The following DIAPH3 variants were observed in gnomAD, a reference collection of about 807,000 sequenced individuals.
DIAPH3 encodes protein diaphanous homolog 3.
In DIAPH3, 117 loss-of-function variants were observed where a neutral mutation model predicts 144.3. That is an observed-to-expected ratio of 0.81 (90% confidence interval 0.70 to 0.95). The LOEUF (loss-of-function observed/expected upper bound fraction) is 0.95. Among genes scored for constraint, DIAPH3 ranks in the 40% least tolerant of loss-of-function variants. DIAPH3 has a pLI of 0.00. For synonymous variants in DIAPH3, 519 were observed against 488.9 expected, an observed-to-expected ratio of 1.06 and a Z score of -0.81; for missense variants, 1,421 against 1,412.7, an observed-to-expected ratio of 1.01 and a Z score of -0.09.
intron 27 of DIAPH3, among the ~76,000 whole-genome samples, chr13:59,670,669 A>G (rs11841715): frequency 0.072 from 10,250 of 141,546 alleles, 767 homozygotes; most frequent in African/African-American, 0.19. Context: ...TGCAAGCTCC[A>G]CCTCCCGGGT....
intron 9 of DIAPH3, among the ~76,000 whole-genome samples, chr13:59,999,628 A>T (rs1452648565): frequency 1.3e-5 from 2 of 152,122 alleles, no homozygotes; most frequent in Non-Finnish European, 2.9e-5. Flanking sequence ...AGTATACTAA[A>T]ATAGACCTGT....
chr13:59,982,477 A>G (rs1300736769), intron 13 of DIAPH3, among the ~76,000 whole-genome samples: 3 of 151,238 alleles, frequency 2.0e-5, no homozygotes, highest in African/African-American at 7.3e-5. Context: ...AAGCATTTTC[A>G]TTAATATTAT....
chr13:59,671,326 A>G (rs2032362466), intron 27 of DIAPH3, among the ~76,000 whole-genome samples: 1 of 152,208 alleles, frequency 6.6e-6, no homozygotes, highest in South Asian at 2.1e-4. Context: ...TATGGACTCA[A>G]TGAAAGGTAA....
chr13:59,683,307 C>A (rs1246652173), intron 27 of DIAPH3, among the ~76,000 whole-genome samples: 1 of 152,040 alleles, frequency 6.6e-6, no homozygotes, highest in Non-Finnish European at 1.5e-5. Flanking sequence ...AATCTGGAAT[C>A]TTTTATGACT....
At chr13:60,038,795 C>A (rs2055417421) in intron 5 of DIAPH3, among the ~76,000 whole-genome samples, 5 of 152,116 alleles carry the variant, frequency 3.3e-5, no homozygotes, top group African/African-American at 1.2e-4. Flanking sequence ...TTACCCTTGA[C>A]AGGCACGTCA....
chr13:59,988,601 A>G (rs1321291180), intron 12 of DIAPH3, among the ~76,000 whole-genome samples: 1 of 151,872 alleles, frequency 6.6e-6, no homozygotes, highest in Non-Finnish European at 1.5e-5. Flanking sequence ...AATCTAGAAA[A>G]TAATCTCCAT....
At chr13:59,831,841 T>C (rs1006594909) in intron 24 of DIAPH3, among the ~76,000 whole-genome samples, 7 of 151,906 alleles carry the variant, frequency 4.6e-5, no homozygotes, top group Non-Finnish European at 1.5e-5. Flanking sequence ...TAATAATTTA[T>C]TGAGCAACTA....
intron 4 of DIAPH3, among the ~76,000 whole-genome samples, chr13:60,054,979 A>C (rs958195080): frequency 6.6e-6 from 1 of 151,980 alleles, no homozygotes. Flanking sequence ...AGAAAGGTGC[A>C]TTCACCAACA....
chr13:59,856,488 G>T (rs1466285977), intron 22 of DIAPH3, among the ~76,000 whole-genome samples: 1 of 152,098 alleles, frequency 6.6e-6, no homozygotes, highest in Non-Finnish European at 1.5e-5. Context: ...TTTGCTCCAG[G>T]CCCCTCCCCA....
intron 18 of DIAPH3, among the ~76,000 whole-genome samples, chr13:59,918,117 T>C (rs1321981154): frequency 6.7e-6 from 1 of 149,948 alleles, no homozygotes. Context: ...CAGTACCTGG[T>C]ATAGACTAAT....
chr13:59,828,793 T>G (rs2041608506), intron 24 of DIAPH3, among the ~76,000 whole-genome samples: 1 of 151,792 alleles, frequency 6.6e-6, no homozygotes, highest in Admixed American at 6.6e-5. Flanking sequence ...CAATGCAAAC[T>G]TACTCCCTAT....
At chr13:60,145,755 T>A (rs1302073970) in intron 1 of DIAPH3, among the ~76,000 whole-genome samples, 1 of 152,160 alleles carries the variant, frequency 6.6e-6, no homozygotes, top group Admixed American at 6.5e-5. Flanking sequence ...TTCCTCCTTT[T>A]TTTTTTTAAG....
chr13:59,997,684 T>C (rs966989134), intron 9 of DIAPH3, among the ~76,000 whole-genome samples: 4 of 152,042 alleles, frequency 2.6e-5, no homozygotes, highest in Admixed American at 2.0e-4. Flanking sequence ...ACGAGGACCA[T>C]CCAGTTTTTC....
chr13:59,812,910 A>C (rs545876372), intron 24 of DIAPH3, among the ~76,000 whole-genome samples: 12 of 152,180 alleles, frequency 7.9e-5, no homozygotes, highest in Non-Finnish European at 1.3e-4. Flanking sequence ...TATCTTTTCA[A>C]AGATATTTGC....
chr13:60,063,176 T>C (rs78553587), intron 4 of DIAPH3, among the ~76,000 whole-genome samples: 2,306 of 152,356 alleles, frequency 0.015, 54 homozygotes, highest in African/African-American at 0.052. Context: ...ACAATGTTTA[T>C]AACATCTTCA....
At position 59,774,238 on chromosome 13, in the gene DIAPH3, C is replaced by A. The variant is rs369779991; in HGVS notation, c.3270G>T (p.Gln1090His). The change falls in exon 27 of 28, where the codon CAG becomes CAT. Residue 1090 changes from glutamine to histidine, a missense_variant. Gln to His is a conservative substitution (Grantham distance 24, BLOSUM62 0). Coordinates refer to ENST00000400324, the MANE Select transcript of DIAPH3 (RefSeq NM_001042517.2). The part of the protein sequence containing the change: ...KRTPMPKDVR[Q>H]SLSPMSQRPV... ...GCCTCTGAGACATTGGACTGAGACT[C>A]TGCCGAACATCTGTTAAAAAAAAAA... 1 of 1,612,504 alleles carries A rather than the reference C, an allele frequency of 6.2e-7. No homozygotes were observed.
At position 59,974,468 on chromosome 13, in the gene DIAPH3, T is replaced by C; in HGVS notation, c.1546-12A>G. The C allele has an allele frequency of 6.3e-7, 1 of 1,588,460 alleles. No homozygotes were observed. Among genetic ancestry groups the C allele is most frequent in the Non-Finnish European group, 8.6e-7 (1 of 1,160,682 alleles). On this transcript the variant is annotated splice_polypyrimidine_tract_variant and intron_variant, in intron 14 of 27. Transcript: ENST00000400324. Reference sequence around the variant, plus strand: ...AACTCTTTTTCAAACTGAAACAAATTAAAAATAATAACAAAAACAGGAAGA... The same window carrying C: ...AACTCTTTTTCAAACTGAAACAAATCAAAAATAATAACAAAAACAGGAAGA...
intron 21 of DIAPH3, among the ~76,000 whole-genome samples, chr13:59,871,761 C>A (rs562892391): frequency 1.3e-5 from 2 of 152,254 alleles, no homozygotes; most frequent in South Asian, 4.1e-4. Flanking sequence ...GAAGGTTATT[C>A]ATTATTGATT....
In DIAPH3 at chr13:59,969,960, A is replaced by C; in HGVS notation, c.2058T>G (p.Phe686Leu). Residue 686 changes from phenylalanine (F) to leucine (L), a missense_variant, in exon 17 of 28, where the codon TTT (phenylalanine) becomes TTG (leucine). Physicochemically the swap from Phe to Leu is conservative, Grantham distance 22 (BLOSUM62 0). Transcript: ENST00000400324. ...TAAACTTACCTTTTTGTTGGCAACA[A>C]AATGTATTCTCAAGTTTACAAAGCA... ...VDLLCKLENT[F>L]CCQQKERREE... 1 of 1,603,794 alleles carries C rather than the reference A, an allele frequency of 6.2e-7. No individual in the cohort carries two copies. The highest frequency in any genetic ancestry group is 1.1e-5 in the South Asian group (1 of 89,444).
Sources: allele counts gnomAD v4.1 joint callset (sites outside exome capture counted in the v4.1 genomes callset), GRCh38; gene constraint gnomAD v4.1.1; transcripts MANE v1.5; gene names NCBI Gene and HGNC (gene_info 2026-07-23, HGNC 2026-07-21).